Variants in MINDY4 observed in about 807,000 individuals in gnomAD.
MINDY4 encodes MINDY lysine 48 deubiquitinase 4, also known as probable ubiquitin carboxyl-terminal hydrolase MINDY-4.
MINDY4 carries 68 observed loss-of-function variants against 87.0 expected under a neutral mutation model. The ratio of observed to expected loss-of-function variants is 0.78; its 90% confidence interval spans 0.64 to 0.96. The LOEUF (loss-of-function observed/expected upper bound fraction) is 0.96, where lower values mean the gene tolerates loss of function less well. Among genes scored for constraint, MINDY4 ranks in the 40% least tolerant of loss-of-function variants. The probability of loss-of-function intolerance (pLI) is 0.00; values close to 1 mark genes in which losing one functional copy is unlikely to be tolerated. For missense variants in MINDY4, 919 were observed against 928.2 expected (o/e 0.99, Z 0.13); for synonymous variants, 379 against 363.2 (o/e 1.04, Z -0.50).
chr7:30,882,397 TC>T, intron 16 of MINDY4, 36 bp downstream of exon 16: 1 of 1,042,114 alleles, frequency 9.6e-7, no homozygotes, highest in East Asian at 5.8e-5. Context: ...CCCAACCCTG[TC>T]CCCAAGGAGC....
rs538205772 is a variant in MINDY4 at position 30,845,230 on chromosome 7, C to T, written c.1445+4382C>T. 3.3e-5 allele frequency among the ~76,000 whole-genome samples: 5 copies of T among 152,258 alleles called. No homozygotes were observed. The East Asian group carries it at 9.7e-4, about 29-fold the overall frequency. ...TTCATGAACGGCTTCACGGTGGAAC[C>T]TCCCCTTTGGCTTTAAGTTAGAAAA... On this transcript the variant is annotated intron_variant, in intron 9 of 17. Coordinates refer to ENST00000265299, the MANE Select transcript of MINDY4 (RefSeq NM_032222.3).
chr7:30,778,558 GC>G lies in MINDY4; in HGVS notation c.183+8del. On this transcript the variant is annotated splice_region_variant and intron_variant, in intron 2 of 17. Coordinates refer to ENST00000265299, the MANE Select transcript of MINDY4 (RefSeq NM_032222.3). ...TCTCTATAAGGAGAACAAGGTATGT[GC>G]TTTCTAAGGTGTGGTGTGGAGTCTT... The G allele has an allele frequency of 6.2e-7, 1 of 1,614,150 alleles. No individual in the cohort carries two copies. Among genetic ancestry groups the G allele is most frequent in the African/African-American group, 1.3e-5 (1 of 75,056 alleles).
At chr7:30,774,758 T>TGTCCCC (rs1429759023) in intron 1 of MINDY4, among the ~76,000 whole-genome samples, 7 of 152,064 alleles carry the variant, frequency 4.6e-5, no homozygotes, top group African/African-American at 1.7e-4. Context: ...GCTTTCCTCC[T>TGTCCCC]ACTCCTCTGG....
intron 9 of MINDY4, among the ~76,000 whole-genome samples, chr7:30,850,111 T>C (rs1789361611): frequency 6.6e-6 from 1 of 152,196 alleles, no homozygotes; most frequent in Non-Finnish European, 1.5e-5. Flanking sequence ...TGGCTGGGCC[T>C]CCCAGTCCCT....
chr7:30,830,845 G>C (rs1386850916), intron 6 of MINDY4, among the ~76,000 whole-genome samples: 1 of 152,184 alleles, frequency 6.6e-6, no homozygotes, highest in Non-Finnish European at 1.5e-5. Context: ...GAGCCACATG[G>C]GCAAATGCCT....
At chr7:30,870,016 C>T (rs1790053823) in intron 13 of MINDY4, among the ~76,000 whole-genome samples, 1 of 152,222 alleles carries the variant, frequency 6.6e-6, no homozygotes, top group East Asian at 1.9e-4. Context: ...TTATAAATCT[C>T]TTAAACCATA....
chr7:30,771,651 G>C (rs996664370), intron 1 of MINDY4, 95 bp downstream of exon 1: 17 of 1,241,210 alleles, frequency 1.4e-5, no homozygotes, highest in East Asian at 1.3e-4. Context: ...CTGGGAGGGC[G>C]CCCGTTCCCT....
At chr7:30,863,199 C>T (rs910448613) in intron 13 of MINDY4, among the ~76,000 whole-genome samples, 8 of 152,236 alleles carry the variant, frequency 5.3e-5, no homozygotes, top group Non-Finnish European at 8.8e-5. Context: ...TCTGTTACCA[C>T]TTTGGGCAAT....
intron 17 of MINDY4, among the ~76,000 whole-genome samples, chr7:30,887,563 G>A (rs1193794802): frequency 1.3e-5 from 2 of 152,242 alleles, no homozygotes; most frequent in Non-Finnish European, 2.9e-5. Flanking sequence ...GTGCAAGGCA[G>A]GGCTTTGAAG....
In MINDY4 at chr7:30,882,334, C is replaced by T. The variant is rs1186004932; in HGVS notation, c.2125C>T (p.Gln709Ter). The part of the protein sequence containing the change: ...DLYYYDGLAN[Q>*]QEQIRLTIDT... ...GTACTACTACGATGGCCTGGCCAAC[C>T]AGCAGGAGCAGATCCGGCTGACCAT... Residue 709 changes from glutamine to a stop codon, truncating the protein, a stop_gained, in exon 16 of 18, where the codon CAG becomes TAG. Coordinates refer to ENST00000265299, the MANE Select transcript of MINDY4 (RefSeq NM_032222.3). LOFTEE classifies it high-confidence loss of function. The T allele has an allele frequency of 6.2e-7, 1 of 1,606,128 alleles. No homozygotes were observed. The highest frequency in any genetic ancestry group is 1.1e-5 in the South Asian group (1 of 90,744).
At chr7:30,870,807 A>AC (rs1790079587) in intron 13 of MINDY4, among the ~76,000 whole-genome samples, 1 of 152,034 alleles carries the variant, frequency 6.6e-6, no homozygotes, top group Non-Finnish European at 1.5e-5. Flanking sequence ...AGCCCTTCCT[A>AC]CCCCTGGGTC....
At chr7:30,876,045 T>C (rs190414264) in intron 15 of MINDY4, among the ~76,000 whole-genome samples, 3 of 152,230 alleles carry the variant, frequency 2.0e-5, no homozygotes, top group Non-Finnish European at 4.4e-5. Context: ...CTGGGTGGCT[T>C]GAAACAACAG....
intron 4 of MINDY4, among the ~76,000 whole-genome samples, chr7:30,790,848 C>G (rs140260828): frequency 6.6e-5 from 10 of 152,256 alleles, no homozygotes; most frequent in Admixed American, 1.3e-4. Flanking sequence ...ACAGGTGACA[C>G]AGTTGGTAGG....
At chr7:30,773,986 G>A (rs1033764780) in intron 1 of MINDY4, among the ~76,000 whole-genome samples, 1 of 151,948 alleles carries the variant, frequency 6.6e-6, no homozygotes, top group East Asian at 1.9e-4. Flanking sequence ...AATTCCACTC[G>A]TCCTGCTCTA....
chr7:30,877,889 A>T (rs1790323284), intron 15 of MINDY4, among the ~76,000 whole-genome samples: 2 of 121,072 alleles, frequency 1.7e-5, no homozygotes, highest in Non-Finnish European at 3.2e-5. Context: ...CATATTGGCC[A>T]GGCTGGTCTT....
intron 12 of MINDY4, among the ~76,000 whole-genome samples, chr7:30,855,662 C>T (rs1262079197): frequency 6.6e-6 from 1 of 152,202 alleles, no homozygotes; most frequent in South Asian, 2.1e-4. Context: ...GATGGAGCCT[C>T]CCCCTCAGCC....
At chr7:30,807,534 G>C (rs998080179) in intron 5 of MINDY4, among the ~76,000 whole-genome samples, 1 of 152,106 alleles carries the variant, frequency 6.6e-6, no homozygotes, top group Non-Finnish European at 1.5e-5. Context: ...GTCTAAGGGA[G>C]GAGACCACCC....
At chr7:30,839,862 C>A (rs1788979507) in intron 8 of MINDY4, among the ~76,000 whole-genome samples, 1 of 152,120 alleles carries the variant, frequency 6.6e-6, no homozygotes, top group South Asian at 2.1e-4. Context: ...AGGCCTAGAA[C>A]ATGGCTTATA....
At chr7:30,885,164 G>C (rs984682851) in intron 17 of MINDY4, among the ~76,000 whole-genome samples, 7 of 152,234 alleles carry the variant, frequency 4.6e-5, no homozygotes, top group African/African-American at 7.2e-5. Flanking sequence ...TGCATTTGTG[G>C]CTCATGCTTG....
Sources: gnomAD v4.1 joint callset for allele counts (sites outside exome capture counted in the v4.1 genomes callset) on GRCh38, gnomAD v4.1.1 for gene constraint, MANE v1.5 for transcripts, NCBI Gene and HGNC (gene_info 2026-07-23, HGNC 2026-07-21) for gene names.